Variants in WBP11 observed in about 807,000 individuals in gnomAD.
WBP11 encodes WW domain binding protein 11.
Under a neutral mutation model 66.7 loss-of-function variants are expected in WBP11, and 12 were observed. That is an observed-to-expected ratio of 0.18 (90% CI 0.12 to 0.29). WBP11 has a LOEUF of 0.29. WBP11 is among the 10% of genes least tolerant of loss of function. The pLI is 1.00. For missense variants in WBP11, 555 were observed against 818.3 expected (o/e 0.68, Z 3.93); for synonymous variants, 255 against 273.8 (o/e 0.93, Z 0.68).
At position 14,788,947 on chromosome 12, in the gene WBP11, T is replaced by C; in HGVS notation, c.1492+4A>G. 1 of 1,421,712 alleles carries C rather than the reference T, an allele frequency of 7.0e-7. No individual in the cohort carries two copies. The highest frequency in any genetic ancestry group is 9.2e-7 in the Non-Finnish European group (1 of 1,087,126). 88.1% of individuals were successfully genotyped at this position (1,421,712 alleles called of 1,614,324 possible). A position where few individuals can be genotyped will look rare whatever the true frequency, so the allele number is the denominator to read the frequency against. ...GTTTTTATTATAGAAATTGAAAGCATCACCTGGAGGTGCAGGGGGAGGTAG... is the reference window on the plus strand; with the variant it reads ...GTTTTTATTATAGAAATTGAAAGCACCACCTGGAGGTGCAGGGGGAGGTAG... On this transcript the variant is annotated splice_donor_region_variant and intron_variant, in intron 11 of 11. Transcript: ENST00000261167.
At chr12:14,800,676 T>C (rs770739880) in intron 3 of WBP11, 76 bp downstream of exon 3, 11 of 1,311,316 alleles carry the variant, frequency 8.4e-6, no homozygotes, top group Non-Finnish European at 1.1e-5. Flanking sequence ...AATGTTATTC[T>C]GAAACCCACT....
At chr12:14,793,944 T>C (rs748563847) in intron 7 of WBP11, 22 bp from the exon 8 acceptor site, 5 of 1,590,136 alleles carry the variant, frequency 3.1e-6, no homozygotes, top group Middle Eastern at 1.7e-4. Context: ...GAAGGGAACA[T>C]GGAGAAGTAG....
At chr12:14,791,523 C>A (rs765559301) in intron 8 of WBP11, among the ~76,000 whole-genome samples, 1 of 152,150 alleles carries the variant, frequency 6.6e-6, no homozygotes, top group Non-Finnish European at 1.5e-5. Flanking sequence ...AAGATCTACT[C>A]CTTAAAGGCT....
chr12:14,787,266 A>G lies in WBP11; in HGVS notation c.1725T>C (p.Ile575=), dbSNP rs201235471. The change falls in exon 12 of 12, where the codon ATT becomes ATC. Residue 575 remains isoleucine, a synonymous_variant. Coordinates refer to ENST00000261167, the MANE Select transcript of WBP11 (RefSeq NM_016312.3). ...KPQITNPKAE[I]TRFVPTALRV... ...TCAGTGCAGTGGGCACAAATCGAGT[A>G]ATCTCTGCCTTGGGATTAGTGATCT... is the stretch of plus-strand genomic sequence containing the variant. 1.9e-6 allele frequency: 3 copies of G among 1,614,076 alleles called. No individual in the cohort carries two copies. Among genetic ancestry groups the G allele is most frequent in the Middle Eastern group, 1.6e-4 (1 of 6,084 alleles).
At chr12:14,789,696 G>A in intron 10 of WBP11, among the ~76,000 whole-genome samples, 1 of 152,178 alleles carries the variant, frequency 6.6e-6, no homozygotes. Flanking sequence ...GCTCCGCAAT[G>A]TTGGAAATAT....
At position 14,787,320 on chromosome 12, in the gene WBP11, T is replaced by A. The variant is rs754006715; in HGVS notation, c.1671A>T (p.Lys557Asn). The change falls in exon 12 of 12, where the codon AAA (lysine) becomes AAT (asparagine). Residue 557 changes from lysine to asparagine, a missense_variant. Around this residue, in one of 6 missense-constraint regions of WBP11, gnomAD observed 230 missense variants for 286.3 expected, o/e 0.80. Transcript: ENST00000261167. ...DDTSAATIEKKATATISAKPQ... is the reference protein window; with the variant it reads ...DDTSAATIEKNATATISAKPQ... ...GCTTGGCACTGATGGTTGCTGTGGC[T>A]TTCTTCTCAATGGTGGCTGCACTTG... 1 of 1,614,068 alleles carries A rather than the reference T, an allele frequency of 6.2e-7. No homozygotes were observed. Among genetic ancestry groups the A allele is most frequent in the Admixed American group, 1.7e-5 (1 of 60,026 alleles).
intron 10 of WBP11, 83 bp downstream of exon 10, chr12:14,790,373 G>GCA: frequency 6.7e-7 from 1 of 1,484,606 alleles, no homozygotes; most frequent in Non-Finnish European, 9.1e-7. Flanking sequence ...AAGAAAACAT[G>GCA]AACACTAACA....
Position 14,787,131 on chromosome 12 carries a change from A to G in WBP11, c.1860T>C (p.Pro620=), listed in dbSNP as rs1190212728. The change falls in exon 12 of 12, where the codon CCT becomes CCC. Residue 620 remains proline, a synonymous_variant. Transcript: ENST00000261167. ...CATCATCCTTAGTTTGTACTGAGAC[A>G]GGAACAGAAGGACCAGATTTGGGTG... The part of the protein sequence containing the change: ...KAAPKSGPSV[P]VSVQTKDDVY... 2 of 1,613,752 alleles carry G rather than the reference A, an allele frequency of 1.2e-6. No homozygotes were observed. The highest frequency in any genetic ancestry group is 3.3e-5 in the Admixed American group (2 of 60,024).
Position 14,787,173 on chromosome 12 carries a change from C to T in WBP11, c.1818G>A (p.Val606=), listed in dbSNP as rs1471407220. 2 of 1,613,720 alleles carry T rather than the reference C, an allele frequency of 1.2e-6. No individual in the cohort carries two copies. Among genetic ancestry groups the T allele is most frequent in the Non-Finnish European group, 1.7e-6 (2 of 1,180,046 alleles). The stretch of plus-strand genomic sequence containing the variant: ...ATTTGGGTGCTGCTTTGGCAAGAGG[C>T]ACAGCAGAATCATCCTCTGACTTTC... ...PQRKSEDDSA[V]PLAKAAPKSG... The change falls in exon 12 of 12, where the codon GTG becomes GTA. Residue 606 remains valine, a synonymous_variant. Transcript: ENST00000261167.
chr12:14,800,985 A>C (rs1458714914), intron 2 of WBP11: 1 of 493,768 alleles, frequency 2.0e-6, no homozygotes, highest in Non-Finnish European at 3.5e-6. Flanking sequence ...TTTTTGTTTA[A>C]TGTTTCATAA....
rs1949751587 is a variant in WBP11 at position 14,786,145 on chromosome 12, A to G, written c.*920T>C. 1 of 152,236 alleles carries G rather than the reference A, an allele frequency of 6.6e-6. No homozygotes were observed. The highest frequency in any genetic ancestry group is 2.1e-4 in the South Asian group (1 of 4,838). 9.4% of individuals were successfully genotyped at this position (152,236 alleles called of 1,614,324 possible). A position where few individuals can be genotyped will look rare whatever the true frequency, so the allele number is the denominator to read the frequency against. On this transcript the variant is annotated 3_prime_UTR_variant, in exon 12 of 12. Transcript: ENST00000261167. ...TCTTTTATAGCTTAAAAATGGTTTA[A>G]AATGACTTTTGCCATTCAACTCGTA...
At position 14,784,689 on chromosome 12, in the gene WBP11, T is replaced by C. The variant is rs1036553034; in HGVS notation, c.*2376A>G. ...AGGGCTTCATGCTGATTCCATGACA[T>C]GGCAGAGTATTATTGTGGTGATCCT... On this transcript the variant is annotated 3_prime_UTR_variant, in exon 12 of 12. Coordinates refer to ENST00000261167, the MANE Select transcript of WBP11 (RefSeq NM_016312.3). 17 of 152,284 alleles carry C rather than the reference T, an allele frequency of 1.1e-4. No individual in the cohort carries two copies. The highest frequency in any genetic ancestry group is 4.1e-4 in the African/African-American group (17 of 41,552). 9.4% of individuals were successfully genotyped at this position (152,284 alleles called of 1,614,324 possible). A position where few individuals can be genotyped will look rare whatever the true frequency, so the allele number is the denominator to read the frequency against.
At chr12:14,789,456 A>G (rs1237863681) in intron 10 of WBP11, among the ~76,000 whole-genome samples, 2 of 152,036 alleles carry the variant, frequency 1.3e-5, no homozygotes, top group Non-Finnish European at 2.9e-5. Context: ...ATGGTGGCAG[A>G]CACCTGTAAT....
At chr12:14,799,565 T>G in intron 4 of WBP11, 70 bp downstream of exon 4, 1 of 1,429,168 alleles carries the variant, frequency 7.0e-7, no homozygotes, top group Non-Finnish European at 9.7e-7. Flanking sequence ...ACGCCTATGC[T>G]GCTTCACTCG....
Position 14,786,281 on chromosome 12 carries a change from T to C in WBP11, c.*784A>G, listed in dbSNP as rs1044491715. On this transcript the variant is annotated 3_prime_UTR_variant, in exon 12 of 12. Coordinates refer to ENST00000261167, the MANE Select transcript of WBP11 (RefSeq NM_016312.3). ...CCTCTCAGTTTCTCTAAAGCCAGTA[T>C]GACAATCTTAAAAAAGGGAAATAAT... 6.6e-6 allele frequency: 1 copy of C among 152,212 alleles called. No homozygotes were observed. Among genetic ancestry groups the C allele is most frequent in the Non-Finnish European group, 1.5e-5 (1 of 68,026 alleles). 9.4% of individuals were successfully genotyped at this position (152,212 alleles called of 1,614,324 possible).
At chr12:14,795,678 C>G (rs1949885671) in intron 5 of WBP11, among the ~76,000 whole-genome samples, 1 of 152,108 alleles carries the variant, frequency 6.6e-6, no homozygotes, top group South Asian at 2.1e-4. Flanking sequence ...TGCAGTGAGC[C>G]AAGATGGTGC....
At chr12:14,795,400 T>C (rs1949881605) in intron 5 of WBP11, among the ~76,000 whole-genome samples, 1 of 152,192 alleles carries the variant, frequency 6.6e-6, no homozygotes, top group African/African-American at 2.4e-5. Flanking sequence ...GTTACAAGTA[T>C]CTAGCACCAG....
intron 8 of WBP11, 21 bp downstream of exon 8, chr12:14,793,710 G>T: frequency 6.2e-7 from 1 of 1,609,632 alleles, no homozygotes; most frequent in African/African-American, 1.3e-5. Flanking sequence ...TCAATACCAT[G>T]AATCCTTCAT....
Position 14,785,321 on chromosome 12 carries a change from A to G in WBP11, c.*1744T>C, listed in dbSNP as rs955470516. On this transcript the variant is annotated 3_prime_UTR_variant, in exon 12 of 12. Transcript: ENST00000261167. Reference sequence around the variant, plus strand: ...CCCAGAAAGAATATAAGTTTCAAGTAAGACCATTAAAAATATTTCAGATCA... The same window carrying G: ...CCCAGAAAGAATATAAGTTTCAAGTGAGACCATTAAAAATATTTCAGATCA... The G allele has an allele frequency of 4.6e-5, 7 of 152,238 alleles. No individual in the cohort carries two copies. Among genetic ancestry groups the G allele is most frequent in the Non-Finnish European group, 8.8e-5 (6 of 68,048 alleles). 9.4% of individuals were successfully genotyped at this position (152,238 alleles called of 1,614,324 possible).
Sources: allele counts gnomAD v4.1 joint callset (sites outside exome capture counted in the v4.1 genomes callset), GRCh38; gene constraint gnomAD v4.1.1; regional missense constraint gnomAD v4.1.1; transcripts MANE v1.5; gene names NCBI Gene and HGNC (gene_info 2026-07-23, HGNC 2026-07-21).